CHD3: variants seen among roughly 807,000 people sequenced by gnomAD.
CHD3 encodes the protein ATP-dependent chromatin remodeler CHD3.
A neutral mutation model predicts 248.9 loss-of-function variants in CHD3; 52 were observed. The observed-to-expected ratio is 0.21, with a 90% CI of 0.17 to 0.26. CHD3 has a LOEUF of 0.26. Among genes scored for constraint, CHD3 ranks in the 10% least tolerant of loss-of-function variants. The probability of loss-of-function intolerance (pLI) is 1.00; values close to 1 mark genes in which losing one functional copy is unlikely to be tolerated. For synonymous variants in CHD3, 985 were observed against 985.2 expected (o/e 1.00, Z 0.00); for missense variants, 1,482 against 2,605.8 (o/e 0.57, Z 9.39).
At position 7,894,570 on chromosome 17, in the gene CHD3, G is replaced by C. The variant is rs765798605; in HGVS notation, c.1231G>C (p.Asp411His). Residue 411 changes from aspartate to histidine, a missense_variant, in exon 8 of 40, where the codon GAC becomes CAC. Physicochemically the swap from Asp to His is moderately conservative, Grantham distance 81. Coordinates refer to ENST00000330494, the MANE Select transcript of CHD3 (RefSeq NM_001005273.3). ...YHLVCLDPELDRAPEGKWSCP... is the reference protein window; with the variant it reads ...YHLVCLDPELHRAPEGKWSCP... ...CCTCGTCTGCCTTGATCCTGAGCTTGACCGGGCTCCAGAGGGCAAATGGAG... is the reference window on the plus strand; with the variant it reads ...CCTCGTCTGCCTTGATCCTGAGCTTCACCGGGCTCCAGAGGGCAAATGGAG... 1 of 1,614,038 alleles carries C rather than the reference G, an allele frequency of 6.2e-7. No individual in the cohort carries two copies. Among genetic ancestry groups the C allele is most frequent in the Admixed American group, 1.7e-5 (1 of 60,014 alleles).
chr17:7,886,576 T>C (rs935195578), upstream of CHD3, among the ~76,000 whole-genome samples: 2 of 152,064 alleles, frequency 1.3e-5, no homozygotes, highest in African/African-American at 4.8e-5. This position sits in a 1 kb window ranked among gnomAD's most constrained non-coding sequence, Gnocchi z 4.2. Context: ...GTGTGTCTCC[T>C]GGAAACTGGA....
rs749724796 is a variant in CHD3, at chr17:7,905,692, G to A, written c.4210G>A (p.Gly1404Arg). Residue 1404 changes from glycine to arginine, a missense_variant, in exon 27 of 40, where the codon GGG becomes AGG. Transcript: ENST00000330494. This position sits in a 1 kb window ranked among gnomAD's most constrained non-coding sequence, Gnocchi z 5.8. ...KPLPPLLARV[G>R]GNIEVLGFNT... ...ACTGCCTCCACTGCTGGCCCGAGTC[G>A]GGGGCAACATTGAGGTGAGAGCTGG... 14 of 1,611,712 alleles carry A rather than the reference G, an allele frequency of 8.7e-6. No homozygotes were observed. The highest frequency in any genetic ancestry group is 3.3e-5 in the Admixed American group (2 of 59,720).
In CHD3 at chr17:7,905,903, G is replaced by A. The variant is rs1970867727; in HGVS notation, c.4272G>A (p.Val1424=). The part of the protein sequence containing the change: ...TRQRKAFLNA[V]MRWGMPPQDA... ...AGCGGAAGGCTTTCCTCAATGCTGT[G>A]ATGCGCTGGGGGATGCCACCACAGG... Residue 1424 remains valine (V), a synonymous_variant, in exon 28 of 40, where the codon GTG becomes GTA. Coordinates refer to ENST00000330494, the MANE Select transcript of CHD3 (RefSeq NM_001005273.3). This position sits in a 1 kb window ranked among gnomAD's most constrained non-coding sequence, Gnocchi z 5.8. 6.2e-7 allele frequency: 1 copy of A among 1,614,076 alleles called. No individual in the cohort carries two copies. Among genetic ancestry groups the A allele is most frequent in the Non-Finnish European group, 8.5e-7 (1 of 1,180,048 alleles).
chr17:7,894,788 T>A, intron 8 of CHD3, 129 bp from the exon 9 acceptor site: 1 of 1,440,328 alleles, frequency 6.9e-7, no homozygotes, highest in Non-Finnish European at 9.4e-7. Flanking sequence ...AACTGGAGTG[T>A]CCTTTTCCTT....
chr17:7,895,268 T>C lies in CHD3; in HGVS notation c.1504-71T>C. On this transcript the variant is annotated intron_variant, in intron 9 of 39. Transcript: ENST00000330494. This position sits in a 1 kb window ranked among gnomAD's most constrained non-coding sequence, Gnocchi z 4.9. ...CACTCCCCCACCCTTGTGGGACCCC[T>C]ATCTTCTCATCTAACAATGGGTTCT... 2 of 1,585,406 alleles carry C rather than the reference T, an allele frequency of 1.3e-6. No homozygotes were observed. Among genetic ancestry groups the C allele is most frequent in the Non-Finnish European group, 1.7e-6 (2 of 1,160,550 alleles).
Position 7,899,233 on chromosome 17 carries a change from G to T in CHD3, c.2343+31G>T, listed in dbSNP as rs771228966. 4.4e-6 allele frequency: 7 copies of T among 1,605,634 alleles called. No individual in the cohort carries two copies. Among genetic ancestry groups the T allele is most frequent in the Admixed American group, 1.7e-5 (1 of 59,676 alleles). Reference sequence around the variant, plus strand: ...GGATTCTAGGACCTTGAAGGGGACCGCCTGGACTGGGGAAGTGGGGAGGGG... The same window carrying T: ...GGATTCTAGGACCTTGAAGGGGACCTCCTGGACTGGGGAAGTGGGGAGGGG... On this transcript the variant is annotated intron_variant, in intron 14 of 39. Coordinates refer to ENST00000330494, the MANE Select transcript of CHD3 (RefSeq NM_001005273.3). The surrounding 1 kb of genome is among the most constrained non-coding windows in gnomAD (Gnocchi z 6.8).
At position 7,906,222 on chromosome 17, in the gene CHD3, A is replaced by C; in HGVS notation, c.4358+233A>C. The C allele has an allele frequency of 1.3e-6, 1 of 776,048 alleles. No individual in the cohort carries two copies. The highest frequency in any genetic ancestry group is 2.5e-5 in the East Asian group (1 of 40,532). 48.1% of individuals were successfully genotyped at this position (776,048 alleles called of 1,614,324 possible). On this transcript the variant is annotated intron_variant, in intron 28 of 39. Transcript: ENST00000330494. This position sits in a 1 kb window ranked among gnomAD's most constrained non-coding sequence, Gnocchi z 5.0. ...ATCCTCCCCAGGGGAGGGGCGTTGA[A>C]GCAAGGAGCCTCTCCTGGGCTGTCC...
At position 7,900,251 on chromosome 17, in the gene CHD3, TA is replaced by T. The variant is rs779268870; in HGVS notation, c.2683-37del. ...CTGTGGGTCGGTCACTTGTCACTAATAAGCCCATTTTCCTGCCTTGCCTTGC... is the reference window on the plus strand; with the variant it reads ...CTGTGGGTCGGTCACTTGTCACTAATAGCCCATTTTCCTGCCTTGCCTTGC... On this transcript the variant is annotated intron_variant, in intron 16 of 39. Transcript: ENST00000330494. The surrounding 1 kb of genome is among the most constrained non-coding windows in gnomAD (Gnocchi z 6.5). The T allele has an allele frequency of 2.1e-5, 34 of 1,613,148 alleles. No homozygotes were observed. Among genetic ancestry groups the T allele is most frequent in the Non-Finnish European group, 2.5e-5 (30 of 1,179,716 alleles).
At position 7,893,925 on chromosome 17, in the gene CHD3, A is replaced by G. The variant is rs766209905; in HGVS notation, c.914A>G (p.Lys305Arg). The G allele has an allele frequency of 6.4e-7, 1 of 1,558,040 alleles. No individual in the cohort carries two copies. The highest frequency in any genetic ancestry group is 2.6e-5 in the East Asian group (1 of 37,936). ...KLGLLGGKRK[K>R]GGSYVFQSDE... Reference sequence around the variant, plus strand: ...GGGCTTCTGGGTGGCAAGAGGAAGAAAGGAGGCTCGGTGAGTGACCCGTCC... The same window carrying G: ...GGGCTTCTGGGTGGCAAGAGGAAGAGAGGAGGCTCGGTGAGTGACCCGTCC... Residue 305 changes from lysine to arginine, a missense_variant, in exon 6 of 40, where the codon AAA becomes AGA. By Grantham distance (26) the Lys-to-Arg change is conservative (BLOSUM62 2). Coordinates refer to ENST00000330494, the MANE Select transcript of CHD3 (RefSeq NM_001005273.3).
At position 7,911,421 on chromosome 17, in the gene CHD3, A is replaced by G; in HGVS notation, c.5882-43A>G. 1 of 1,613,792 alleles carries G rather than the reference A, an allele frequency of 6.2e-7. No homozygotes were observed. The highest frequency in any genetic ancestry group is 8.5e-7 in the Non-Finnish European group (1 of 1,179,840). On this transcript the variant is annotated intron_variant, in intron 39 of 39. Coordinates refer to ENST00000330494, the MANE Select transcript of CHD3 (RefSeq NM_001005273.3). This position sits in a 1 kb window ranked among gnomAD's most constrained non-coding sequence, Gnocchi z 5.4. ...CCATTGTCATGAAGTGACGTTTGAG[A>G]GTGATCTGGAGATTGATCTTTCCTT... is the stretch of plus-strand genomic sequence containing the variant.
At chr17:7,901,693 T>C (rs142798308) in intron 20 of CHD3, among the ~76,000 whole-genome samples, 2 of 152,090 alleles carry the variant, frequency 1.3e-5, no homozygotes, top group East Asian at 1.9e-4. Context: ...GTATTTTTAG[T>C]AGAGACGGGA....
Position 7,906,978 on chromosome 17 carries a change from C to T in CHD3, c.4613C>T (p.Ser1538Phe). Reference sequence around the variant, plus strand: ...AGAGCCTCCTCTCCTACCAAAACGTCTCCCACCACTCCTGAGGCTTCTGCT... The same window carrying T: ...AGAGCCTCCTCTCCTACCAAAACGTTTCCCACCACTCCTGAGGCTTCTGCT... ...SSRASSPTKT[S>F]PTTPEASATN... The change falls in exon 30 of 40, where the codon TCT (serine) becomes TTT (phenylalanine). Residue 1538 changes from serine (S) to phenylalanine (F), a missense_variant. Transcript: ENST00000330494. This position sits in a 1 kb window ranked among gnomAD's most constrained non-coding sequence, Gnocchi z 5.0. 2 of 1,614,206 alleles carry T rather than the reference C, an allele frequency of 1.2e-6. No individual in the cohort carries two copies. The highest frequency in any genetic ancestry group is 1.7e-6 in the Non-Finnish European group (2 of 1,180,024).
rs756342231 is a variant in CHD3 at position 7,890,936 on chromosome 17, G to A, written c.385-4G>A. 2.0e-5 allele frequency: 33 copies of A among 1,613,956 alleles called. No homozygotes were observed. Among genetic ancestry groups the A allele is most frequent in the South Asian group, 4.4e-5 (4 of 91,066 alleles). On this transcript the variant is annotated splice_region_variant and splice_polypyrimidine_tract_variant and intron_variant, in intron 3 of 39. Coordinates refer to ENST00000330494, the MANE Select transcript of CHD3 (RefSeq NM_001005273.3). ...CCTACTTCACCAAAGCCCCTCTCCC[G>A]CAGCAAGTGGAACAGAAGTCATCAG...
chr17:7,891,847 A>G (rs1471767385), intron 4 of CHD3, among the ~76,000 whole-genome samples: 1 of 151,982 alleles, frequency 6.6e-6, no homozygotes, highest in African/African-American at 2.4e-5. Context: ...CTGGGCAACA[A>G]GCGAAACTCC....
intron 10 of CHD3, among the ~76,000 whole-genome samples, chr17:7,896,117 A>G (rs913284177): frequency 6.6e-6 from 1 of 150,918 alleles, no homozygotes; most frequent in Admixed American, 6.6e-5. Context: ...AGTCCCAGCT[A>G]CTCAGGAGGC....
upstream of CHD3, among the ~76,000 whole-genome samples, chr17:7,885,891 C>G (rs1967849222): frequency 2.0e-5 from 3 of 152,348 alleles, no homozygotes; most frequent in South Asian, 6.2e-4. Context: ...CTCCCCCAGC[C>G]TGTGCAGGGA....
intron 2 of CHD3, 86 bp from the exon 3 acceptor site, chr17:7,890,485 A>G (rs1412285193): frequency 1.0e-6 from 1 of 967,528 alleles, no homozygotes; most frequent in Non-Finnish European, 1.5e-6. Flanking sequence ...TGTGAAGATT[A>G]AAAGAGGTAA....
chr17:7,910,897 C>G lies in CHD3; in HGVS notation c.5805C>G (p.Phe1935Leu). Residue 1935 changes from phenylalanine (F) to leucine (L), a missense_variant, in exon 39 of 40, where the codon TTC (phenylalanine) becomes TTG (leucine). Around this residue, in one of 20 missense-constraint regions of CHD3, gnomAD observed 117 missense variants for 137.2 expected, o/e 0.85. Coordinates refer to ENST00000330494, the MANE Select transcript of CHD3 (RefSeq NM_001005273.3). The surrounding 1 kb of genome is among the most constrained non-coding windows in gnomAD (Gnocchi z 4.7). ...CACCTCCGGGGTACGGGGCGGCCTT[C>G]AGCGCCGCACCCGTAGGGGCCCTGG... ...YATPPGYGAA[F>L]SAAPVGALAA... is the part of the protein sequence containing the mutation. 2 of 1,613,454 alleles carry G rather than the reference C, an allele frequency of 1.2e-6. No homozygotes were observed. Among genetic ancestry groups the G allele is most frequent in the Non-Finnish European group, 1.7e-6 (2 of 1,179,806 alleles).
At chr17:7,885,905 C>T (rs1967854371), upstream of CHD3, among the ~76,000 whole-genome samples, 1 of 152,236 alleles carries the variant, frequency 6.6e-6, no homozygotes, top group African/African-American at 2.4e-5. Context: ...GCAGGGACAG[C>T]AGTCCATTCG....
Sources: allele counts gnomAD v4.1 joint callset (sites outside exome capture counted in the v4.1 genomes callset), GRCh38; gene constraint gnomAD v4.1.1; regional missense constraint gnomAD v4.1.1; non-coding constraint Gnocchi (gnomAD v3.1); transcripts MANE v1.5; gene names NCBI Gene and HGNC (gene_info 2026-07-23, HGNC 2026-07-21).